Variants in SPIRE1 observed in about 807,000 individuals in gnomAD.
SPIRE1 encodes spire type actin nucleation factor 1.
Under a neutral mutation model 94.1 loss-of-function variants are expected in SPIRE1, and 40 were observed. The ratio of observed to expected loss-of-function variants is 0.43; its 90% CI spans 0.33 to 0.55. SPIRE1 has a LOEUF of 0.55. Ranked by LOEUF, SPIRE1 falls within the 20% of genes least tolerant of loss-of-function variation. The pLI is 0.06. For missense variants in SPIRE1, 838 were observed against 975.2 expected, an observed-to-expected ratio of 0.86 and a Z score of 1.87; for synonymous variants, 376 against 371.7, an observed-to-expected ratio of 1.01 and a Z score of -0.13.
Position 12,452,316 on chromosome 18 carries a change from T to C in SPIRE1, c.1951A>G (p.Ser651Gly). The change falls in exon 16 of 17, where the codon AGT becomes GGT. Residue 651 changes from serine to glycine, a missense_variant. Physicochemically the swap from Ser to Gly is moderately conservative, Grantham distance 56. Coordinates refer to ENST00000409402, the MANE Select transcript of SPIRE1 (RefSeq NM_001128626.2). ...LGPSALQRGE[S>G]SMRSEKPSTA... ...GAGGGTTTTTCTGACCTCATACTAC[T>C]TTCCCCTCTTTGCAGAGCAGAAGGT... The C allele has an allele frequency of 6.2e-7, 1 of 1,614,052 alleles. No individual in the cohort carries two copies. The highest frequency in any genetic ancestry group is 1.1e-5 in the South Asian group (1 of 91,066).
chr18:12,591,299 T>C (rs1294228144), intron 2 of SPIRE1, among the ~76,000 whole-genome samples: 2 of 152,146 alleles, frequency 1.3e-5, no homozygotes, highest in African/African-American at 4.8e-5. Context: ...TGGAATGTTA[T>C]GAAAATAGCA....
chr18:12,649,336 G>T (rs2038311428), intron 1 of SPIRE1, among the ~76,000 whole-genome samples: 1 of 152,030 alleles, frequency 6.6e-6, no homozygotes, highest in African/African-American at 2.4e-5. Context: ...TTGAATCCAG[G>T]AGCCGGGGGC....
chr18:12,613,143 G>A (rs2037190112), intron 2 of SPIRE1, among the ~76,000 whole-genome samples: 1 of 152,136 alleles, frequency 6.6e-6, no homozygotes, highest in Non-Finnish European at 1.5e-5. Context: ...CACAGCATGT[G>A]CGCAATAAAC....
chr18:12,555,770 T>C (rs2035486629), intron 2 of SPIRE1, among the ~76,000 whole-genome samples: 1 of 152,228 alleles, frequency 6.6e-6, no homozygotes, highest in East Asian at 1.9e-4. Context: ...ACGATAAGGA[T>C]GCCCACTTTC....
At chr18:12,653,136 T>A (rs1423420243) in intron 1 of SPIRE1, 1 of 152,192 alleles carries the variant, frequency 6.6e-6, no homozygotes, top group Non-Finnish European at 1.5e-5. Context: ...TTTTTTAATG[T>A]CACAATTGCA....
chr18:12,616,109 T>A (rs1309636316), intron 2 of SPIRE1, among the ~76,000 whole-genome samples: 2 of 152,232 alleles, frequency 1.3e-5, no homozygotes, highest in African/African-American at 2.4e-5. Flanking sequence ...CACAGTCTCC[T>A]TCAATTCTTT....
chr18:12,657,598 A>T lies in SPIRE1; in HGVS notation c.269T>A (p.Val90Asp). The T allele has an allele frequency of 7.9e-7, 1 of 1,268,470 alleles. No homozygotes were observed. The highest frequency in any genetic ancestry group is 4.1e-5 in the Admixed American group (1 of 24,236). The allele number at this position is 1,268,470 out of a possible 1,614,324, so 78.6% of individuals were successfully genotyped here. ...CAGGGTGACGGCGCCGTCCCTCCAGACGCGGATCTGCGCGGCCGAGCGCAC... is the reference window on the plus strand; with the variant it reads ...CAGGGTGACGGCGCCGTCCCTCCAGTCGCGGATCTGCGCGGCCGAGCGCAC... The part of the protein sequence containing the change: ...HRVRSAAQIR[V>D]WRDGAVTLAP... Residue 90 changes from valine (V) to aspartate (D), a missense_variant, in exon 1 of 17, where the codon GTC (valine) becomes GAC (aspartate). By Grantham distance (152) the Val-to-Asp change is radical. Around this residue, in one of 2 missense-constraint regions of SPIRE1, gnomAD observed 193 missense variants for 170.5 expected, o/e 1.13. Coordinates refer to ENST00000409402, the MANE Select transcript of SPIRE1 (RefSeq NM_001128626.2).
chr18:12,647,450 T>C lies in SPIRE1; in HGVS notation c.337+10080A>G, dbSNP rs1465052654. Among the ~76,000 whole-genome samples, 18 of 152,140 alleles carry C rather than the reference T, an allele frequency of 1.2e-4. 1 individual carries two copies. Among genetic ancestry groups the C allele is most frequent in the Non-Finnish European group, 5.9e-5 (4 of 68,022 alleles). ...TCAAAAATAAACTCTTTAACATTTC[T>C]TCTTCTATATTAAAAACAGGCCAGG... On this transcript the variant is annotated intron_variant, in intron 1 of 16. Transcript: ENST00000409402.
Position 12,465,539 on chromosome 18 carries a change from G to A in SPIRE1, c.1405-581C>T, listed in dbSNP as rs558660525. Among the ~76,000 whole-genome samples, 5 of 152,274 alleles carry A rather than the reference G, an allele frequency of 3.3e-5. No individual in the cohort carries two copies. In the South Asian group the frequency reaches 8.3e-4, roughly 25 times the overall value. On this transcript the variant is annotated intron_variant, in intron 10 of 16. Transcript: ENST00000409402. ...CATAGGGTTATTGGAAAGATGAAAT[G>A]AGGTAATGCATTCAAAATGCTTAAC...
chr18:12,497,674 C>A (rs766583575), intron 6 of SPIRE1, among the ~76,000 whole-genome samples: 2 of 152,090 alleles, frequency 1.3e-5, no homozygotes, highest in Non-Finnish European at 2.9e-5. Context: ...GGAGGGTGAT[C>A]GAGAAGCAGA....
At chr18:12,546,651 T>C (rs1206488621) in intron 3 of SPIRE1, 23 bp downstream of exon 3, 2 of 1,529,090 alleles carry the variant, frequency 1.3e-6, no homozygotes, top group South Asian at 1.1e-5. Context: ...AAAAAACAAG[T>C]ACTGCATAAA....
At position 12,657,946 on chromosome 18, in the gene SPIRE1, G is replaced by A; in HGVS notation, c.-80C>T. The A allele has an allele frequency of 9.9e-7, 1 of 1,008,526 alleles. No homozygotes were observed. Among genetic ancestry groups the A allele is most frequent in the Non-Finnish European group, 1.2e-6 (1 of 847,064 alleles). 62.5% of individuals were successfully genotyped at this position (1,008,526 alleles called of 1,614,324 possible). On this transcript the variant is annotated 5_prime_UTR_variant, in exon 1 of 17. Transcript: ENST00000409402. ...CTCCGGAGCATCGTCGTCGCGCGCC[G>A]CCGCCTCACCATCCCCGGAACCGCC...
At chr18:12,605,051 A>G (rs978848231) in intron 2 of SPIRE1, among the ~76,000 whole-genome samples, 3 of 152,204 alleles carry the variant, frequency 2.0e-5, no homozygotes, top group African/African-American at 7.2e-5. Flanking sequence ...ATGCATAGAG[A>G]CTGAAAGGAG....
At chr18:12,586,959 T>C (rs2036405599) in intron 2 of SPIRE1, among the ~76,000 whole-genome samples, 1 of 152,250 alleles carries the variant, frequency 6.6e-6, no homozygotes, top group Non-Finnish European at 1.5e-5. Flanking sequence ...TAGAAATAAG[T>C]TGACATTTAC....
chr18:12,644,539 A>C (rs1410955717), intron 1 of SPIRE1, among the ~76,000 whole-genome samples: 2 of 152,216 alleles, frequency 1.3e-5, no homozygotes, highest in African/African-American at 2.4e-5. Flanking sequence ...ATAATATAAA[A>C]TATATGGAAA....
intron 1 of SPIRE1, among the ~76,000 whole-genome samples, chr18:12,651,665 T>G (rs1237708398): frequency 6.6e-6 from 1 of 151,998 alleles, no homozygotes; most frequent in Non-Finnish European, 1.5e-5. Flanking sequence ...AGAGCGAGAC[T>G]CCATCTCAAA....
chr18:12,575,823 C>T (rs1042652771), intron 2 of SPIRE1, among the ~76,000 whole-genome samples: 9 of 152,170 alleles, frequency 5.9e-5, no homozygotes, highest in African/African-American at 1.4e-4. Flanking sequence ...ATTGTTACAA[C>T]GTCAGCTCTT....
At chr18:12,636,888 T>C (rs1028962340) in intron 1 of SPIRE1, among the ~76,000 whole-genome samples, 2 of 152,226 alleles carry the variant, frequency 1.3e-5, no homozygotes, top group Admixed American at 1.3e-4. Flanking sequence ...TTAACTCCCA[T>C]AAAATTGGTA....
In SPIRE1 at chr18:12,450,321, T is replaced by G. The variant is rs1306048602; in HGVS notation, c.2013-425A>C. On this transcript the variant is annotated intron_variant, in intron 16 of 16. Transcript: ENST00000409402. The stretch of plus-strand genomic sequence containing the variant: ...TTGCAGTGAGCTGAGATGGCACCAC[T>G]GCACTCTAGCCAGGGTGACAAAAGC... 1.4e-5 allele frequency: 4 copies of G among 293,950 alleles called. No homozygotes were observed. In the East Asian group the frequency reaches 2.7e-4, roughly 20 times the overall value. 18.2% of individuals were successfully genotyped at this position (293,950 alleles called of 1,614,324 possible). A position where few individuals can be genotyped will look rare whatever the true frequency, so the allele number is the denominator to read the frequency against.
Sources: allele counts gnomAD v4.1 joint callset (sites outside exome capture counted in the v4.1 genomes callset), GRCh38; gene constraint gnomAD v4.1.1; regional missense constraint gnomAD v4.1.1; transcripts MANE v1.5; gene names NCBI Gene and HGNC (gene_info 2026-07-23, HGNC 2026-07-21).